Variants in CDH18 observed in about 807,000 individuals in gnomAD.
CDH18 encodes the protein cadherin 18, also known as cadherin-18.
A neutral mutation model predicts 67.9 loss-of-function variants in CDH18; 31 were observed. That is an observed-to-expected ratio of 0.46 (90% CI 0.34 to 0.62). The LOEUF (loss-of-function observed/expected upper bound fraction) is 0.62. Among genes scored for constraint, CDH18 ranks in the 20% least tolerant of loss-of-function variants. CDH18 has a pLI of 0.01. For synonymous variants in CDH18, 362 were observed against 347.2 expected (o/e 1.04, Z -0.48); for missense variants, 890 against 975.5 (o/e 0.91, Z 1.17).
chr5:20,521,732 A>T (rs1334464510), intron 1 of CDH18, among the ~76,000 whole-genome samples: 4 of 152,128 alleles, frequency 2.6e-5, no homozygotes, highest in Non-Finnish European at 1.5e-5. Context: ...CAGAAGAGAA[A>T]GAGGATGATT....
chr5:19,615,991 C>T (rs1561475401), intron 5 of CDH18, among the ~76,000 whole-genome samples: 1 of 152,072 alleles, frequency 6.6e-6, no homozygotes, highest in South Asian at 2.1e-4. Flanking sequence ...ACTGCATAAA[C>T]ATCTACATAT....
chr5:20,128,270 T>C (rs900777386), intron 2 of CDH18, among the ~76,000 whole-genome samples: 2 of 152,092 alleles, frequency 1.3e-5, no homozygotes, highest in Admixed American at 6.6e-5. Flanking sequence ...AAAGATCACA[T>C]GAAGAAAAGT....
At chr5:20,377,914 T>C (rs1030849707) in intron 1 of CDH18, among the ~76,000 whole-genome samples, 1 of 151,398 alleles carries the variant, frequency 6.6e-6, no homozygotes, top group African/African-American at 2.4e-5. Flanking sequence ...TTTTAACTTC[T>C]CAATTATGAA....
At chr5:20,275,326 C>A (rs1434520834) in intron 1 of CDH18, among the ~76,000 whole-genome samples, 2 of 151,642 alleles carry the variant, frequency 1.3e-5, no homozygotes, top group Non-Finnish European at 2.9e-5. Context: ...CCCCATCATG[C>A]TCTCTCTCTC....
intron 6 of CDH18, among the ~76,000 whole-genome samples, chr5:19,596,684 G>A (rs1024212279): frequency 6.6e-6 from 1 of 152,136 alleles, no homozygotes; most frequent in African/African-American, 2.4e-5. Flanking sequence ...AAACATTTAG[G>A]CTGGGTCTTA....
At chr5:20,496,759 T>G (rs968194145) in intron 1 of CDH18, among the ~76,000 whole-genome samples, 1 of 152,120 alleles carries the variant, frequency 6.6e-6, no homozygotes, top group African/African-American at 2.4e-5. Context: ...GTTGCTATGC[T>G]CAAGACACAG....
intron 3 of CDH18, among the ~76,000 whole-genome samples, chr5:19,771,101 G>C (rs1426859501): frequency 6.6e-6 from 1 of 152,168 alleles, no homozygotes; most frequent in Non-Finnish European, 1.5e-5. Context: ...TATTTTGTGA[G>C]AGAAACATGA....
intron 2 of CDH18, among the ~76,000 whole-genome samples, chr5:20,206,130 T>C (rs939020407): frequency 1.7e-4 from 25 of 151,464 alleles, no homozygotes; most frequent in African/African-American, 5.8e-4. Flanking sequence ...CCCAAATAAA[T>C]AAAACCAGAA....
chr5:19,578,496 C>T (rs1481550443), intron 7 of CDH18, among the ~76,000 whole-genome samples: 2 of 151,218 alleles, frequency 1.3e-5, no homozygotes, highest in East Asian at 1.9e-4. Context: ...TTTCAAGCTG[C>T]TTATTTTCTA....
At chr5:19,887,542 C>T (rs1788339877) in intron 2 of CDH18, among the ~76,000 whole-genome samples, 1 of 151,762 alleles carries the variant, frequency 6.6e-6, no homozygotes, top group African/African-American at 2.4e-5. Flanking sequence ...TTAATATTCA[C>T]CTTTAGCTCT....
At chr5:19,615,559 C>T (rs912636184) in intron 5 of CDH18, among the ~76,000 whole-genome samples, 3 of 152,210 alleles carry the variant, frequency 2.0e-5, no homozygotes, top group East Asian at 3.9e-4. Flanking sequence ...CATTACTCTC[C>T]GAAGTCCAGA....
At chr5:19,583,389 G>A (rs370912068) in intron 7 of CDH18, among the ~76,000 whole-genome samples, 51 of 152,106 alleles carry the variant, frequency 3.4e-4, no homozygotes, top group African/African-American at 1.2e-3. Flanking sequence ...CTACAAATAC[G>A]ATATTTAACG....
intron 2 of CDH18, among the ~76,000 whole-genome samples, chr5:19,934,009 T>G (rs917485181): frequency 6.6e-6 from 1 of 151,362 alleles, no homozygotes; most frequent in Non-Finnish European, 1.5e-5. Flanking sequence ...CATCTTAAAT[T>G]TTAATATTCT....
chr5:19,847,576 ATT>A (rs1783140691), intron 2 of CDH18, among the ~76,000 whole-genome samples: 1 of 151,872 alleles, frequency 6.6e-6, no homozygotes, highest in Non-Finnish European at 1.5e-5. Context: ...ATATACTTCC[ATT>A]TTTAGGGTTA....
At chr5:19,987,694 C>G (rs763609236) in intron 1 of CDH18, among the ~76,000 whole-genome samples, 2 of 152,094 alleles carry the variant, frequency 1.3e-5, no homozygotes, top group Non-Finnish European at 2.9e-5. Flanking sequence ...TCTGACCATG[C>G]GTCCCCTCAC....
At chr5:20,102,476 A>G (rs1332381018) in intron 2 of CDH18, among the ~76,000 whole-genome samples, 1 of 152,200 alleles carries the variant, frequency 6.6e-6, no homozygotes, top group East Asian at 1.9e-4. Context: ...AACATGTGCT[A>G]TAGGTTGGAT....
At chr5:20,219,811 A>G (rs2126441600) in intron 2 of CDH18, among the ~76,000 whole-genome samples, 1 of 152,064 alleles carries the variant, frequency 6.6e-6, no homozygotes, top group African/African-American at 2.4e-5. Context: ...CAAAAACTGA[A>G]TATAGAAGGA....
chr5:19,734,056 C>T (rs1174727245), intron 4 of CDH18, among the ~76,000 whole-genome samples: 2 of 152,180 alleles, frequency 1.3e-5, no homozygotes, highest in Non-Finnish European at 2.9e-5. Flanking sequence ...CACCTTTATG[C>T]TGTTCTTGTT....
chr5:20,393,668 G>A (rs966257643), intron 1 of CDH18, among the ~76,000 whole-genome samples: 2 of 151,966 alleles, frequency 1.3e-5, no homozygotes, highest in Non-Finnish European at 2.9e-5. Flanking sequence ...AATGAATTCA[G>A]TAAAGTCTCA....
Sources: allele counts gnomAD v4.1 joint callset (sites outside exome capture counted in the v4.1 genomes callset), GRCh38; gene constraint gnomAD v4.1.1; transcripts MANE v1.5; gene names NCBI Gene and HGNC (gene_info 2026-07-23, HGNC 2026-07-21).